AGBL4: variants seen among roughly 807,000 people sequenced by gnomAD.
AGBL4 encodes AGBL carboxypeptidase 4, also known as cytosolic carboxypeptidase 6.
In AGBL4, 58 loss-of-function variants were observed where a neutral mutation model predicts 66.4. That is an observed-to-expected ratio of 0.87 (90% CI 0.71 to 1.09). AGBL4 has a LOEUF of 1.09. AGBL4 is among the 50% of genes least tolerant of loss of function. AGBL4 has a pLI of 0.00. For missense variants in AGBL4, 579 were observed against 631.0 expected, an observed-to-expected ratio of 0.92 and a Z score of 0.88; for synonymous variants, 234 against 222.9, an observed-to-expected ratio of 1.05 and a Z score of -0.44.
At chr1:49,866,109 T>C (rs1368788129) in intron 1 of AGBL4, among the ~76,000 whole-genome samples, 1 of 152,098 alleles carries the variant, frequency 6.6e-6, no homozygotes, top group African/African-American at 2.4e-5. Context: ...TGGGATTATA[T>C]AAAAGGAGCA....
Position 49,465,210 on chromosome 1 carries a change from T to TACACACAC in AGBL4, c.283-219354_283-219347dup, listed in dbSNP as rs3054630. On this transcript the variant is annotated intron_variant, in intron 3 of 13. Transcript: ENST00000371839. ...CTGTATTCCCTACCCTACCCCTACA[T>TACACACAC]ACACACACACACACACACACACACA... Among the ~76,000 whole-genome samples the TACACACAC allele has an allele frequency of 4.7e-3, 553 of 116,820 alleles. 10 individuals are homozygous for TACACACAC. The highest frequency in any genetic ancestry group is 9.7e-3 in the Middle Eastern group (2 of 206). The allele number at this position is 116,820 out of a possible 152,430, so 76.6% of individuals were successfully genotyped here. A position where few individuals can be genotyped will look rare whatever the true frequency, so the allele number is the denominator to read the frequency against.
At chr1:49,374,368 T>G (rs2148560122) in intron 3 of AGBL4, 1 of 151,908 alleles carries the variant, frequency 6.6e-6, no homozygotes, top group Non-Finnish European at 1.5e-5. Context: ...ACAAAAAACC[T>G]TGGTTGTAAT....
chr1:48,979,715 G>A (rs1256942053), intron 5 of AGBL4, among the ~76,000 whole-genome samples: 2 of 151,906 alleles, frequency 1.3e-5, no homozygotes, highest in African/African-American at 4.8e-5. Flanking sequence ...GTTTGTACTG[G>A]CAGGGATATA....
chr1:49,436,975 A>G (rs1645917880), intron 3 of AGBL4, among the ~76,000 whole-genome samples: 1 of 152,148 alleles, frequency 6.6e-6, no homozygotes, highest in African/African-American at 2.4e-5. Flanking sequence ...AGTGTGGTAA[A>G]CCTCTTACTC....
intron 5 of AGBL4, among the ~76,000 whole-genome samples, chr1:48,967,733 G>A (rs1441659282): frequency 6.6e-6 from 1 of 152,128 alleles, no homozygotes; most frequent in Non-Finnish European, 1.5e-5. Context: ...AGAATATGAT[G>A]TACAATGGTG....
chr1:48,761,286 A>G (rs1215137370), intron 6 of AGBL4: 23 of 1,507,334 alleles, frequency 1.5e-5, no homozygotes, highest in African/African-American at 2.8e-5. Context: ...TAGCTACGAG[A>G]TATCTGAAAA....
At chr1:48,534,377 C>T (rs761067421) in intron 13 of AGBL4, 84 bp from the exon 14 acceptor site, 12 of 1,461,006 alleles carry the variant, frequency 8.2e-6, no homozygotes, top group Non-Finnish European at 1.0e-5. Context: ...GTCTATCTTC[C>T]CCACTGGACT....
At chr1:49,578,060 G>A (rs1354356085) in intron 3 of AGBL4, among the ~76,000 whole-genome samples, 2 of 152,112 alleles carry the variant, frequency 1.3e-5, no homozygotes, top group East Asian at 3.9e-4. Flanking sequence ...TAGTTCCAGA[G>A]GGAGGAACGC....
intron 3 of AGBL4, among the ~76,000 whole-genome samples, chr1:49,574,596 C>G (rs1264307589): frequency 6.6e-6 from 1 of 152,022 alleles, no homozygotes; most frequent in South Asian, 2.1e-4. Flanking sequence ...TTTAAAGAGC[C>G]CTGTAATTGC....
At chr1:49,560,936 G>A (rs1644023208) in intron 3 of AGBL4, among the ~76,000 whole-genome samples, 1 of 152,052 alleles carries the variant, frequency 6.6e-6, no homozygotes, top group Non-Finnish European at 1.5e-5. Context: ...ATCAACACCA[G>A]ACCCGTCCTA....
At chr1:49,061,582 T>G (rs1428657593) in intron 4 of AGBL4, among the ~76,000 whole-genome samples, 1 of 152,114 alleles carries the variant, frequency 6.6e-6, no homozygotes, top group African/African-American at 2.4e-5. Flanking sequence ...CCAGAAGAAT[T>G]ACTGTGGTAG....
chr1:49,526,262 A>G (rs1191505561), intron 3 of AGBL4, among the ~76,000 whole-genome samples: 2 of 150,970 alleles, frequency 1.3e-5, no homozygotes, highest in South Asian at 2.1e-4. Context: ...CTGTCATACC[A>G]TAAAAAGATA....
chr1:49,778,470 G>A (rs1644254567), intron 2 of AGBL4, among the ~76,000 whole-genome samples: 1 of 152,140 alleles, frequency 6.6e-6, no homozygotes, highest in Non-Finnish European at 1.5e-5. Context: ...AGAAAGCATG[G>A]AGAATTTCAT....
intron 3 of AGBL4, among the ~76,000 whole-genome samples, chr1:49,496,620 C>A (rs1015262563): frequency 7.1e-6 from 1 of 140,480 alleles, no homozygotes; most frequent in Non-Finnish European, 1.5e-5. Context: ...TAATATTATG[C>A]AGTATTTGTC....
rs1001017128 is a variant in AGBL4 at position 49,579,517 on chromosome 1, T to G, written c.282+117796A>C. Among the ~76,000 whole-genome samples, 5 of 152,174 alleles carry G rather than the reference T, an allele frequency of 3.3e-5. No individual in the cohort carries two copies. In the East Asian group the frequency reaches 9.6e-4, roughly 29 times the overall value. On this transcript the variant is annotated intron_variant, in intron 3 of 13. Coordinates refer to ENST00000371839, the MANE Select transcript of AGBL4 (RefSeq NM_032785.4). ...AACTGGGTAGAATTTTCTTTTTTTT[T>G]GAGATAAAGTCTCGCTCTTTCACCC...
At chr1:49,301,561 T>C (rs1644745329) in intron 3 of AGBL4, among the ~76,000 whole-genome samples, 1 of 152,186 alleles carries the variant, frequency 6.6e-6, no homozygotes, top group South Asian at 2.1e-4. Flanking sequence ...GTTAAAATTA[T>C]GGTAGGGGCT....
intron 5 of AGBL4, among the ~76,000 whole-genome samples, chr1:48,962,813 A>G (rs1446854340): frequency 6.6e-6 from 1 of 152,036 alleles, no homozygotes; most frequent in African/African-American, 2.4e-5. Flanking sequence ...TGAGAATATG[A>G]TTACTGATTC....
chr1:49,481,014 G>A (rs945054495), intron 3 of AGBL4, among the ~76,000 whole-genome samples: 1 of 152,068 alleles, frequency 6.6e-6, no homozygotes, highest in Admixed American at 6.6e-5. Context: ...TTTCATACCA[G>A]TACCATGCTG....
chr1:49,298,351 C>A (rs181517425), intron 3 of AGBL4, among the ~76,000 whole-genome samples: 1 of 152,196 alleles, frequency 6.6e-6, no homozygotes, highest in African/African-American at 2.4e-5. Context: ...CCCTCTCCCC[C>A]CAGGTTCCCT....
Sources: gnomAD v4.1 joint callset for allele counts (sites outside exome capture counted in the v4.1 genomes callset) on GRCh38, gnomAD v4.1.1 for gene constraint, MANE v1.5 for transcripts, NCBI Gene and HGNC (gene_info 2026-07-23, HGNC 2026-07-21) for gene names.